Variants in CALD1 observed in about 807,000 individuals in gnomAD.
CALD1 encodes the protein caldesmon.
A neutral mutation model predicts 99.9 loss-of-function variants in CALD1; 33 were observed. The ratio of observed to expected loss-of-function variants is 0.33; its 90% CI spans 0.25 to 0.44. The LOEUF is 0.44. Among genes scored for constraint, CALD1 ranks in the 20% least tolerant of loss-of-function variants. The pLI, the probability that CALD1 is intolerant of heterozygous loss-of-function variation, is 1.00. For missense variants in CALD1, 861 were observed against 962.1 expected, an observed-to-expected ratio of 0.89 and a Z score of 1.39; for synonymous variants, 310 against 325.0, an observed-to-expected ratio of 0.95 and a Z score of 0.50.
upstream of CALD1, among the ~76,000 whole-genome samples, chr7:134,742,801 C>A (rs993090407): frequency 6.6e-6 from 1 of 152,172 alleles, no homozygotes. Context: ...TAACACCTAC[C>A]CTTCTTTTTT....
Position 134,947,735 on chromosome 7 carries a change from A to G in CALD1, c.1760A>G (p.Lys587Arg). 4 of 1,613,952 alleles carry G rather than the reference A, an allele frequency of 2.5e-6. No individual in the cohort carries two copies. Among genetic ancestry groups the G allele is most frequent in the Non-Finnish European group, 3.4e-6 (4 of 1,179,890 alleles). The stretch of plus-strand genomic sequence containing the variant: ...CTGGAGGAGGAAGAGCAGAGGAGGA[A>G]GCAGGAGGAAGCCGATCGAAAACTC... ...KVLEEEEQRR[K>R]QEEADRKLRE... The change falls in exon 8 of 15, where the codon AAG (lysine) becomes AGG (arginine). Residue 587 changes from lysine (K) to arginine (R), a missense_variant. Physicochemically the swap from Lys to Arg is conservative, Grantham distance 26. Transcript: ENST00000361675.
At chr7:134,754,423 G>T (rs533736955) in intron 1 of CALD1, among the ~76,000 whole-genome samples, 1 of 152,324 alleles carries the variant, frequency 6.6e-6, no homozygotes, top group African/African-American at 2.4e-5. Context: ...TACAAGCACA[G>T]AAGTGTGAGT....
intron 1 of CALD1, among the ~76,000 whole-genome samples, chr7:134,836,451 A>ATGACAGTGGTAG (rs774552500): frequency 1.1e-4 from 17 of 152,192 alleles, no homozygotes; most frequent in Non-Finnish European, 1.6e-4. Flanking sequence ...GTTGATAATG[A>ATGACAGTGGTAG]TGACAGTGGT....
chr7:134,910,065 A>G (rs577705332), intron 3 of CALD1, among the ~76,000 whole-genome samples: 1 of 152,314 alleles, frequency 6.6e-6, no homozygotes, highest in East Asian at 1.9e-4. Context: ...GATCAAAAAT[A>G]TTGAATATAG....
intron 7 of CALD1, among the ~76,000 whole-genome samples, chr7:134,942,531 T>C (rs1385419291): frequency 2.6e-5 from 4 of 152,194 alleles, no homozygotes; most frequent in Non-Finnish European, 5.9e-5. Context: ...TTACTTGGGA[T>C]TGCCAAGAGA....
intron 1 of CALD1, among the ~76,000 whole-genome samples, chr7:134,801,982 C>T (rs1368795723): frequency 6.6e-6 from 1 of 152,060 alleles, no homozygotes; most frequent in African/African-American, 2.4e-5. Flanking sequence ...TCTTGCTGTC[C>T]TGTCTTCTGC....
At chr7:134,729,488 C>T in the CALD1 span, among the ~76,000 whole-genome samples, 3 of 152,208 alleles carry the variant, frequency 2.0e-5, no homozygotes, top group Admixed American at 1.3e-4. Context: ...TACCCATAAA[C>T]GGGAGAAGGG....
At chr7:134,840,993 A>T (rs912023333) in intron 1 of CALD1, among the ~76,000 whole-genome samples, 1 of 152,190 alleles carries the variant, frequency 6.6e-6, no homozygotes, top group Admixed American at 6.5e-5. Context: ...CTTGAAAAGC[A>T]ACACTCTTCT....
chr7:134,900,795 C>A (rs928392826), intron 3 of CALD1, among the ~76,000 whole-genome samples: 4 of 152,050 alleles, frequency 2.6e-5, no homozygotes, highest in Non-Finnish European at 5.9e-5. Context: ...ATCAGTGTGA[C>A]ATTTCCATCT....
At chr7:134,897,799 T>G (rs923694491) in intron 3 of CALD1, among the ~76,000 whole-genome samples, 2 of 152,124 alleles carry the variant, frequency 1.3e-5, no homozygotes, top group African/African-American at 4.8e-5. Context: ...CTCAACCTCC[T>G]GGGCTTAAGC....
At chr7:134,760,362 A>T (rs1796767211) in intron 1 of CALD1, among the ~76,000 whole-genome samples, 2 of 152,272 alleles carry the variant, frequency 1.3e-5, no homozygotes, top group Admixed American at 6.5e-5. Flanking sequence ...GCATAAAATC[A>T]CATAAGCAAT....
intron 1 of CALD1, among the ~76,000 whole-genome samples, chr7:134,804,449 CTTG>C (rs1798060049): frequency 7.0e-6 from 1 of 142,890 alleles, no homozygotes; most frequent in Non-Finnish European, 1.6e-5. Flanking sequence ...CTGGAAACTT[CTTG>C]GCATTTTCTA....
chr7:134,872,114 T>A (rs1305575905), intron 3 of CALD1, among the ~76,000 whole-genome samples: 1 of 152,198 alleles, frequency 6.6e-6, no homozygotes, highest in African/African-American at 2.4e-5. Flanking sequence ...ACGCCTGTAA[T>A]CCCAGCACTC....
chr7:134,753,402 C>T (rs185153504), intron 1 of CALD1, among the ~76,000 whole-genome samples: 1 of 152,338 alleles, frequency 6.6e-6, no homozygotes, highest in Admixed American at 6.5e-5. Context: ...TGCCTCACCT[C>T]TGCCAGGTGC....
intron 7 of CALD1, among the ~76,000 whole-genome samples, chr7:134,943,641 AT>A (rs1806631256): frequency 6.6e-6 from 1 of 152,210 alleles, no homozygotes; most frequent in Non-Finnish European, 1.5e-5. Flanking sequence ...ATAGAAAAAA[AT>A]ACTCATTATA....
chr7:134,805,569 T>C (rs940201583), intron 1 of CALD1, among the ~76,000 whole-genome samples: 2 of 152,194 alleles, frequency 1.3e-5, no homozygotes, highest in South Asian at 4.1e-4. Flanking sequence ...TTCTATTATT[T>C]GTGCTAGTCT....
chr7:134,960,538 T>C lies in CALD1; in HGVS notation c.2205T>C (p.Thr735=). ...GGATGATTGCCCCTTTGTAGGAAAC[T>C]GCTGGCTTGAAGGTAGGGGTTTCTA... ...PTAAGTPNKE[T]AGLKVGVSSR... is the part of the protein sequence containing the mutation. Residue 735 remains threonine, a synonymous_variant, in exon 13 of 15, where the codon ACT becomes ACC. Transcript: ENST00000361675. 1 of 1,608,780 alleles carries C rather than the reference T, an allele frequency of 6.2e-7. No homozygotes were observed. The highest frequency in any genetic ancestry group is 8.5e-7 in the Non-Finnish European group (1 of 1,175,150).
intron 3 of CALD1, among the ~76,000 whole-genome samples, chr7:134,914,680 C>T (rs904019072): frequency 7.9e-5 from 12 of 152,166 alleles, no homozygotes; most frequent in Non-Finnish European, 1.2e-4. Flanking sequence ...CCATATTTCC[C>T]GATTCTGCAA....
chr7:134,908,048 C>T (rs1803531780), intron 3 of CALD1, among the ~76,000 whole-genome samples: 1 of 152,114 alleles, frequency 6.6e-6, no homozygotes, highest in African/African-American at 2.4e-5. Context: ...TCACAGATCT[C>T]TAACTGAGCT....
Sources: allele counts gnomAD v4.1 joint callset (sites outside exome capture counted in the v4.1 genomes callset), GRCh38; gene constraint gnomAD v4.1.1; transcripts MANE v1.5; gene names NCBI Gene and HGNC (gene_info 2026-07-23, HGNC 2026-07-21).